The following PRCC variants were observed in gnomAD, a reference collection of about 807,000 sequenced individuals.
PRCC encodes proline-rich protein PRCC.
A neutral mutation model predicts 44.0 loss-of-function variants in PRCC; 10 were observed. That is an observed-to-expected ratio of 0.23 (90% CI 0.14 to 0.39). The LOEUF (loss-of-function observed/expected upper bound fraction) is 0.39. Among genes scored for constraint, PRCC ranks in the 10% least tolerant of loss-of-function variants. PRCC has a pLI of 1.00. For synonymous variants in PRCC, 278 were observed against 259.5 expected (o/e 1.07, Z -0.69); for missense variants, 573 against 624.7 (o/e 0.92, Z 0.88).
intron 5 of PRCC, 118 bp from the exon 6 acceptor site, chr1:156,797,158 C>T: frequency 8.4e-7 from 1 of 1,186,834 alleles, no homozygotes. Context: ...CAACTTTTCT[C>T]CCCCAGGATT....
At chr1:156,786,442 C>G (rs960968885) in intron 2 of PRCC, among the ~76,000 whole-genome samples, 166 bp from the exon 3 acceptor site, 23 of 152,184 alleles carry the variant, frequency 1.5e-4, no homozygotes. Flanking sequence ...TAGCAGGAGT[C>G]AAGCCCAGAT....
chr1:156,790,484 G>A (rs953165065), intron 3 of PRCC, among the ~76,000 whole-genome samples: 4 of 152,320 alleles, frequency 2.6e-5, no homozygotes, highest in Non-Finnish European at 5.9e-5. Flanking sequence ...TTAGCTGAGC[G>A]TGCTGGCATG....
chr1:156,782,362 C>G, intron 2 of PRCC, 33 bp downstream of exon 2: 1 of 1,556,950 alleles, frequency 6.4e-7, no homozygotes, highest in Non-Finnish European at 8.8e-7. Flanking sequence ...TTTTTTTTCT[C>G]TTCCTGTATT....
chr1:156,778,709 A>T (rs1461801474), intron 1 of PRCC, among the ~76,000 whole-genome samples: 1 of 150,724 alleles, frequency 6.6e-6, no homozygotes, highest in Non-Finnish European at 1.5e-5. Flanking sequence ...CAGCCCCCTG[A>T]GTATCTGGGA....
intron 1 of PRCC, among the ~76,000 whole-genome samples, chr1:156,771,109 T>C (rs1651618627): frequency 6.6e-6 from 1 of 152,024 alleles, no homozygotes; most frequent in South Asian, 2.1e-4. Context: ...GAGATAAGGC[T>C]GAAGAAAGGG....
At chr1:156,770,307 C>T (rs906631004) in intron 1 of PRCC, among the ~76,000 whole-genome samples, 12 of 152,204 alleles carry the variant, frequency 7.9e-5, no homozygotes, top group South Asian at 2.1e-4. Context: ...TTTTGGTTCT[C>T]GGAACACATA....
At chr1:156,776,034 A>T (rs1018815692) in intron 1 of PRCC, among the ~76,000 whole-genome samples, 18 of 152,236 alleles carry the variant, frequency 1.2e-4, no homozygotes, top group South Asian at 2.1e-4. Context: ...GAGATGATTC[A>T]TAATAGGGGT....
At chr1:156,789,998 G>T (rs1175179885) in intron 3 of PRCC, among the ~76,000 whole-genome samples, 1 of 152,204 alleles carries the variant, frequency 6.6e-6, no homozygotes, top group African/African-American at 2.4e-5. Context: ...GGGCTCCTAG[G>T]AGCAGGAGTT....
chr1:156,781,803 A>G (rs1652060930), intron 1 of PRCC, among the ~76,000 whole-genome samples: 1 of 152,092 alleles, frequency 6.6e-6, no homozygotes, highest in Admixed American at 6.5e-5. Flanking sequence ...TTAACACACC[A>G]CTCAATCCCA....
chr1:156,791,629 C>G, intron 3 of PRCC, 68 bp from the exon 4 acceptor site: 1 of 1,424,588 alleles, frequency 7.0e-7, no homozygotes, highest in Non-Finnish European at 9.7e-7. Flanking sequence ...TGTTTCTGGA[C>G]AGACCTTACC....
chr1:156,793,493 CTTT>C (rs113676490), intron 4 of PRCC, among the ~76,000 whole-genome samples: 2 of 139,848 alleles, frequency 1.4e-5, no homozygotes, highest in East Asian at 2.1e-4. Flanking sequence ...GTTTACTGGG[CTTT>C]TTTTTTTTTT....
chr1:156,792,444 T>C (rs1270352798), intron 4 of PRCC, among the ~76,000 whole-genome samples: 1 of 152,074 alleles, frequency 6.6e-6, no homozygotes, highest in African/African-American at 2.4e-5. Context: ...TTGTGTTTTT[T>C]TTGTTTTTTG....
chr1:156,800,360 C>T lies in PRCC; in HGVS notation c.1390-14C>T. On this transcript the variant is annotated splice_polypyrimidine_tract_variant and intron_variant, in intron 6 of 6. Coordinates refer to ENST00000271526, the MANE Select transcript of PRCC (RefSeq NM_005973.5). ...TCCAGTTTGACCCTCCCCTACCCTT[C>T]TTCCTTGCCACAGGCCAAGGAGCGG... 1 of 1,613,486 alleles carries T rather than the reference C, an allele frequency of 6.2e-7. No homozygotes were observed. Among genetic ancestry groups the T allele is most frequent in the Non-Finnish European group, 8.5e-7 (1 of 1,179,370 alleles).
At chr1:156,796,892 G>C (rs536737897) in intron 5 of PRCC, 1 of 179,198 alleles carries the variant, frequency 5.6e-6, no homozygotes, top group East Asian at 1.6e-4. Context: ...CTGTGCCCTG[G>C]CCCACAAACT....
intron 1 of PRCC, among the ~76,000 whole-genome samples, chr1:156,776,421 A>G (rs377086602): frequency 4.1e-4 from 63 of 152,268 alleles, no homozygotes; most frequent in African/African-American, 1.2e-3. Context: ...AGCCATAGCA[A>G]TCCTCTAAAT....
At chr1:156,798,302 A>T in intron 6 of PRCC, among the ~76,000 whole-genome samples, 1 of 151,670 alleles carries the variant, frequency 6.6e-6, no homozygotes. Context: ...GATAGCAACA[A>T]CTTCACAAAT....
intron 4 of PRCC, 112 bp downstream of exon 4, chr1:156,791,904 G>A (rs1652487477): frequency 1.0e-6 from 1 of 952,604 alleles, no homozygotes; most frequent in Non-Finnish European, 1.6e-6. Context: ...AACTGTATCA[G>A]GATTAGGTTG....
At chr1:156,774,181 T>C (rs1406298444) in intron 1 of PRCC, among the ~76,000 whole-genome samples, 17 of 119,682 alleles carry the variant, frequency 1.4e-4, no homozygotes, top group South Asian at 2.9e-4. Flanking sequence ...TTTTTTTTTT[T>C]TTTTTTTTTT....
intron 1 of PRCC, among the ~76,000 whole-genome samples, chr1:156,779,153 T>C (rs1407482219): frequency 1.4e-4 from 10 of 69,580 alleles, no homozygotes; most frequent in Non-Finnish European, 1.7e-4. Flanking sequence ...TTTTTTTTTT[T>C]TTTTTTCTTT....
Sources: allele counts gnomAD v4.1 joint callset (sites outside exome capture counted in the v4.1 genomes callset), GRCh38; gene constraint gnomAD v4.1.1; transcripts MANE v1.5; gene names NCBI Gene and HGNC (gene_info 2026-07-23, HGNC 2026-07-21).